SYS1: variants seen among roughly 807,000 people sequenced by gnomAD.
SYS1 encodes the protein protein SYS1 homolog.
A neutral mutation model predicts 17.8 loss-of-function variants in SYS1; 8 were observed. The ratio of observed to expected loss-of-function variants is 0.45; its 90% CI spans 0.26 to 0.81. SYS1 has a LOEUF of 0.81. Among genes scored for constraint, SYS1 ranks in the 40% least tolerant of loss-of-function variants. The pLI is 0.16. For missense variants in SYS1, 161 were observed against 203.9 expected (o/e 0.79, Z 1.28); for synonymous variants, 95 against 90.9 (o/e 1.05, Z -0.26).
Position 45,363,663 on chromosome 20 carries a change from C to G in SYS1, c.132C>G (p.Ser44Arg), listed in dbSNP as rs1235061061. ...TGGTGGACGGGCTAGTGCGAAGCAG[C>G]CCCTCGCTGGACCAGATGTTCGACG... ...LALVDGLVRSSPSLDQMFDAE... is the reference protein window; with the variant it reads ...LALVDGLVRSRPSLDQMFDAE... The change falls in exon 2 of 4, where the codon AGC becomes AGG. Residue 44 changes from serine to arginine, a missense_variant. Physicochemically the swap from Ser to Arg is moderately radical, Grantham distance 110. Coordinates refer to ENST00000243918, the MANE Select transcript of SYS1 (RefSeq NM_033542.4). The G allele has an allele frequency of 1.9e-6, 3 of 1,572,606 alleles. No homozygotes were observed. The highest frequency in any genetic ancestry group is 2.3e-5 in the South Asian group (2 of 86,246).
At chr20:45,363,351 G>C in intron 1 of SYS1, 36 bp downstream of exon 1, 2 of 1,426,918 alleles carry the variant, frequency 1.4e-6, no homozygotes, top group Non-Finnish European at 1.8e-6. Flanking sequence ...GTACGGGCGG[G>C]GGCCGCGCAG....
At position 45,363,229 on chromosome 20, in the gene SYS1, C is replaced by A. The variant is rs1175204693; in HGVS notation, c.-90C>A. The A allele has an allele frequency of 8.7e-7, 1 of 1,153,774 alleles. No homozygotes were observed. The highest frequency in any genetic ancestry group is 1.1e-6 in the Non-Finnish European group (1 of 932,022). The allele number at this position is 1,153,774 out of a possible 1,614,324, so 71.5% of individuals were successfully genotyped here. Reference sequence around the variant, plus strand: ...CTCTAGGCCGGCAGCGCCTCTCCTCCATGGTCCTGTCTGTCAGCGCTGTTT... The same window carrying A: ...CTCTAGGCCGGCAGCGCCTCTCCTCAATGGTCCTGTCTGTCAGCGCTGTTT... On this transcript the variant is annotated 5_prime_UTR_variant, in exon 1 of 4. Coordinates refer to ENST00000243918, the MANE Select transcript of SYS1 (RefSeq NM_033542.4).
rs1397826390 is a variant in SYS1 at position 45,368,770 on chromosome 20, T to G, written c.*1655T>G. On this transcript the variant is annotated 3_prime_UTR_variant, in exon 4 of 4. Transcript: ENST00000243918. ...CCAGCTGGGATGACCTTCCCTGGGTTAATCAATTTCCCTCTAGACAACACA... is the reference window on the plus strand; with the variant it reads ...CCAGCTGGGATGACCTTCCCTGGGTGAATCAATTTCCCTCTAGACAACACA... 1 of 985,292 alleles carries G rather than the reference T, an allele frequency of 1.0e-6. No homozygotes were observed. Among genetic ancestry groups the G allele is most frequent in the East Asian group, 1.1e-4 (1 of 8,816 alleles). 61.0% of individuals were successfully genotyped at this position (985,292 alleles called of 1,614,324 possible).
Position 45,367,062 on chromosome 20 carries a change from C to A in SYS1, c.418C>A (p.Arg140=). Residue 140 remains arginine (R), a synonymous_variant, in exon 4 of 4, where the codon CGG becomes AGG. Transcript: ENST00000243918. ...MAVIGEYLCM[R]TELKEIPLNS... ...TGTCATCGGGGAGTACCTGTGCATG[C>A]GGACGGAGCTCAAGGAGATACCCCT... 1 of 1,614,156 alleles carries A rather than the reference C, an allele frequency of 6.2e-7. No individual in the cohort carries two copies. Among genetic ancestry groups the A allele is most frequent in the Non-Finnish European group, 8.5e-7 (1 of 1,180,032 alleles).
chr20:45,367,457 T>G lies in SYS1; in HGVS notation c.*342T>G, dbSNP rs1342194541. On this transcript the variant is annotated 3_prime_UTR_variant, in exon 4 of 4. Transcript: ENST00000243918. Reference sequence around the variant, plus strand: ...AGAAAAAAAATCAAGGATATCTGATTGGAGCAAACCACTTCTTTAGTCATC... The same window carrying G: ...AGAAAAAAAATCAAGGATATCTGATGGGAGCAAACCACTTCTTTAGTCATC... 3.6e-6 allele frequency: 4 copies of G among 1,125,274 alleles called. No homozygotes were observed. In the African/African-American group the frequency reaches 6.5e-5, roughly 18 times the overall value. 69.7% of individuals were successfully genotyped at this position (1,125,274 alleles called of 1,614,324 possible).
In SYS1 at chr20:45,368,564, C is replaced by T; in HGVS notation, c.*1449C>T. 2.0e-6 allele frequency: 2 copies of T among 985,310 alleles called. No individual in the cohort carries two copies. The highest frequency in any genetic ancestry group is 9.4e-5 in the South Asian group (2 of 21,274). The allele number at this position is 985,310 out of a possible 1,614,324, so 61.0% of individuals were successfully genotyped here. A position where few individuals can be genotyped will look rare whatever the true frequency, so the allele number is the denominator to read the frequency against. On this transcript the variant is annotated 3_prime_UTR_variant, in exon 4 of 4. Coordinates refer to ENST00000243918, the MANE Select transcript of SYS1 (RefSeq NM_033542.4). ...CTCATCTGACCTCCTGACTCTCAGC[C>T]CTACAGAGTAGGGAGTTGATGCTGA... is the stretch of plus-strand genomic sequence containing the variant.
chr20:45,376,668 G>A (rs1207559200), exon 4 of SYS1: 1 of 151,974 alleles, frequency 6.6e-6, no homozygotes, highest in Non-Finnish European at 1.5e-5. Context: ...AACACTGTAG[G>A]ATGGTACTTA....
Position 45,368,602 on chromosome 20 carries a change from T to A in SYS1, c.*1487T>A. On this transcript the variant is annotated 3_prime_UTR_variant, in exon 4 of 4. Transcript: ENST00000243918. ...GAGTTGATGCTGACAGGATGAAGATTTAGGAATAAATATGCCTGGGAAGAG... is the reference window on the plus strand; with the variant it reads ...GAGTTGATGCTGACAGGATGAAGATATAGGAATAAATATGCCTGGGAAGAG... The A allele has an allele frequency of 4.1e-6, 4 of 985,406 alleles. No individual in the cohort carries two copies. The highest frequency in any genetic ancestry group is 4.8e-6 in the Non-Finnish European group (4 of 829,934). 61.0% of individuals were successfully genotyped at this position (985,406 alleles called of 1,614,324 possible).
intron 3 of SYS1, among the ~76,000 whole-genome samples, 157 bp from the exon 4 acceptor site, chr20:45,366,718 C>T (rs1341386383): frequency 3.3e-5 from 5 of 152,174 alleles, no homozygotes; most frequent in South Asian, 2.1e-4. Context: ...TGACATTACC[C>T]GCCAGGTTCT....
At chr20:45,370,337 C>G, downstream of SYS1, among the ~76,000 whole-genome samples, 1 of 152,216 alleles carries the variant, frequency 6.6e-6, no homozygotes, top group South Asian at 2.1e-4. Context: ...TGGCATATCT[C>G]TTAACTCTCC....
intron 2 of SYS1, 160 bp from the exon 3 acceptor site, chr20:45,365,459 C>T: frequency 1.3e-6 from 1 of 778,912 alleles, no homozygotes; most frequent in Non-Finnish European, 2.4e-6. Flanking sequence ...TAATGGATGT[C>T]TATGAAAGCA....
chr20:45,365,110 T>C, intron 2 of SYS1: 1 of 244,278 alleles, frequency 4.1e-6, no homozygotes, highest in South Asian at 4.9e-5. Flanking sequence ...AGCCATATGA[T>C]GCACACAACC....
At chr20:45,375,122 A>C (rs1178941482) in exon 4 of SYS1, 1 of 1,614,082 alleles carries the variant, frequency 6.2e-7, no homozygotes, top group Non-Finnish European at 8.5e-7. Context: ...AGGGTGGAGG[A>C]TCTGCACATC....
chr20:45,370,669 C>G (rs560927383), downstream of SYS1, among the ~76,000 whole-genome samples: 1 of 152,102 alleles, frequency 6.6e-6, no homozygotes, highest in Non-Finnish European at 1.5e-5. Context: ...TCCCCTTGGA[C>G]TCCTTCCTCA....
downstream of SYS1, among the ~76,000 whole-genome samples, chr20:45,369,955 G>A (rs574127298): frequency 7.9e-4 from 117 of 147,930 alleles, no homozygotes; most frequent in African/African-American, 2.1e-3. Flanking sequence ...GTTTCACTCC[G>A]ACTTCATTAC....
downstream of SYS1, chr20:45,373,574 G>T: frequency 5.2e-6 from 2 of 383,554 alleles, no homozygotes; most frequent in Admixed American, 7.5e-5. Flanking sequence ...AGCTGAGTGA[G>T]CCTGGGCAAG....
downstream of SYS1, among the ~76,000 whole-genome samples, chr20:45,369,924 C>T (rs1176212125): frequency 2.1e-5 from 3 of 141,166 alleles, no homozygotes; most frequent in East Asian, 2.0e-4. Flanking sequence ...CCCAACTGGC[C>T]TTTTTTTTTT....
downstream of SYS1, among the ~76,000 whole-genome samples, chr20:45,369,924 C>CTTTTTTT (rs1441275985): frequency 7.1e-6 from 1 of 141,166 alleles, no homozygotes; most frequent in Admixed American, 7.1e-5. Flanking sequence ...CCCAACTGGC[C>CTTTTTTT]TTTTTTTTTT....
chr20:45,374,294 A>T (rs1213730465), exon 4 of SYS1: 2 of 696,794 alleles, frequency 2.9e-6, no homozygotes, highest in Admixed American at 2.0e-5. Context: ...TTTTTTTAAG[A>T]CAGGGTCTTG....
Sources: gnomAD v4.1 joint callset for allele counts (sites outside exome capture counted in the v4.1 genomes callset) on GRCh38, gnomAD v4.1.1 for gene constraint, MANE v1.5 for transcripts, NCBI Gene and HGNC (gene_info 2026-07-23, HGNC 2026-07-21) for gene names.